Variants in SPATS2 observed in about 807,000 individuals in gnomAD.
SPATS2 encodes the protein spermatogenesis-associated serine-rich protein 2.
Under a neutral mutation model 63.7 loss-of-function variants are expected in SPATS2, and 38 were observed. The observed-to-expected ratio is 0.60, with a 90% CI of 0.46 to 0.78. The LOEUF is 0.78. Ranked by LOEUF, SPATS2 falls within the 30% of genes least tolerant of loss-of-function variation. The pLI is 0.00. For synonymous variants in SPATS2, 207 were observed against 232.9 expected (o/e 0.89, Z 1.01); for missense variants, 588 against 666.2 (o/e 0.88, Z 1.29).
chr12:49,424,375 T>G (rs369138715), intron 2 of SPATS2, among the ~76,000 whole-genome samples: 16 of 152,172 alleles, frequency 1.1e-4, no homozygotes, highest in Admixed American at 5.9e-4. Flanking sequence ...ATGGTGCCCT[T>G]TTGATTAATG....
Position 49,510,096 on chromosome 12 carries a change from A to ATT in SPATS2, c.840-4445_840-4444dup, listed in dbSNP as rs200435044. 7.7e-5 allele frequency among the ~76,000 whole-genome samples: 11 copies of ATT among 143,742 alleles called. No individual in the cohort carries two copies. In the East Asian group the frequency reaches 8.1e-4, roughly 11 times the overall value. 94.3% of individuals were successfully genotyped at this position (143,742 alleles called of 152,430 possible). A position where few individuals can be genotyped will look rare whatever the true frequency, so the allele number is the denominator to read the frequency against. ...ACATAGTGAGACCCCCGCCTCTATA[A>ATT]TTTTTTTTTTTTTTTAAATTAGCCA... On this transcript the variant is annotated intron_variant, in intron 9 of 13. Transcript: ENST00000552918.
chr12:49,416,873 T>C (rs899711424), intron 2 of SPATS2, among the ~76,000 whole-genome samples: 4 of 152,168 alleles, frequency 2.6e-5, no homozygotes, highest in Non-Finnish European at 5.9e-5. Flanking sequence ...GACTCTACCT[T>C]TTGATGGGAG....
At chr12:49,383,724 GT>G (rs1299092249) in intron 2 of SPATS2, among the ~76,000 whole-genome samples, 2 of 152,116 alleles carry the variant, frequency 1.3e-5, no homozygotes, top group African/African-American at 2.4e-5. Flanking sequence ...CCTGCATGGT[GT>G]TTATTGCATA....
chr12:49,505,934 A>G (rs182624702), intron 9 of SPATS2, among the ~76,000 whole-genome samples: 3 of 152,202 alleles, frequency 2.0e-5, no homozygotes, highest in African/African-American at 4.8e-5. Flanking sequence ...TGATGGTTCA[A>G]CTTAATAATT....
At chr12:49,519,970 A>G (rs1457834965) in intron 11 of SPATS2, among the ~76,000 whole-genome samples, 1 of 147,790 alleles carries the variant, frequency 6.8e-6, no homozygotes, top group Non-Finnish European at 1.5e-5. Flanking sequence ...GCCTGCCACC[A>G]CGCCTGGCTA....
chr12:49,370,073 G>A (rs1208088360), intron 1 of SPATS2, among the ~76,000 whole-genome samples: 2 of 152,202 alleles, frequency 1.3e-5, no homozygotes, highest in Non-Finnish European at 2.9e-5. Flanking sequence ...GCTAAGACAG[G>A]AGGGAATTTT....
chr12:49,380,884 T>C (rs571859387), intron 2 of SPATS2, among the ~76,000 whole-genome samples: 1 of 151,024 alleles, frequency 6.6e-6, no homozygotes, highest in South Asian at 2.1e-4. Flanking sequence ...AGTAATTCTT[T>C]TTTTTTTTTT....
chr12:49,367,585 T>C lies in SPATS2; in HGVS notation c.-309T>C. On this transcript the variant is annotated splice_region_variant and 5_prime_UTR_variant, in exon 1 of 14. Coordinates refer to ENST00000552918, the MANE Select transcript of SPATS2 (RefSeq NM_023071.4). Reference sequence around the variant, plus strand: ...ACGAGGCGATTGCGGGGGCCTGGGCTAGGTGAGGCTAAGGGTGCTGGGTGG... The same window carrying C: ...ACGAGGCGATTGCGGGGGCCTGGGCCAGGTGAGGCTAAGGGTGCTGGGTGG... 2 of 396,438 alleles carry C rather than the reference T, an allele frequency of 5.0e-6. 1 individual carries two copies. Among genetic ancestry groups the C allele is most frequent in the Middle Eastern group, 1.3e-3 (2 of 1,588 alleles). 24.6% of individuals were successfully genotyped at this position (396,438 alleles called of 1,614,324 possible). A position where few individuals can be genotyped will look rare whatever the true frequency, so the allele number is the denominator to read the frequency against.
rs1946442283 is a variant in SPATS2, at chr12:49,495,014, A to T, written c.526+12A>T. On this transcript the variant is annotated intron_variant, in intron 7 of 13. Coordinates refer to ENST00000552918, the MANE Select transcript of SPATS2 (RefSeq NM_023071.4). ...GCTGGATAGAACAGGTGAGTTTATT[A>T]ACAGATTTTGAAAAAGTTGCATTCA... 1 of 1,530,334 alleles carries T rather than the reference A, an allele frequency of 6.5e-7. No homozygotes were observed. Among genetic ancestry groups the T allele is most frequent in the Non-Finnish European group, 8.8e-7 (1 of 1,137,652 alleles). The allele number at this position is 1,530,334 out of a possible 1,614,324, so 94.8% of individuals were successfully genotyped here.
Position 49,422,264 on chromosome 12 carries a change from A to G in SPATS2, c.-243-38506A>G, listed in dbSNP as rs556318832. ...GCTCTTTGTTCTTGGGAAACTCGCA[A>G]ACCTCAAGTTCTTCAGTTAAATGAA... is the stretch of plus-strand genomic sequence containing the variant. On this transcript the variant is annotated intron_variant, in intron 2 of 13. Transcript: ENST00000552918. Among the ~76,000 whole-genome samples the G allele has an allele frequency of 2.6e-5, 4 of 152,316 alleles. No individual in the cohort carries two copies. In the East Asian group the frequency reaches 5.8e-4, roughly 22 times the overall value.
intron 3 of SPATS2, among the ~76,000 whole-genome samples, chr12:49,476,821 C>T (rs981862793): frequency 3.9e-5 from 6 of 152,186 alleles, no homozygotes; most frequent in Non-Finnish European, 7.4e-5. Flanking sequence ...GTTCTTGGAA[C>T]TTGGCTGGGC....
intron 2 of SPATS2, among the ~76,000 whole-genome samples, chr12:49,376,521 C>T (rs1380622015): frequency 6.6e-6 from 1 of 151,832 alleles, no homozygotes; most frequent in African/African-American, 2.4e-5. Context: ...CTCAGTCTCC[C>T]TAGTAGCTGG....
At chr12:49,407,917 T>C (rs1031424974) in intron 2 of SPATS2, among the ~76,000 whole-genome samples, 12 of 152,204 alleles carry the variant, frequency 7.9e-5, no homozygotes, top group African/African-American at 2.9e-4. Flanking sequence ...TGACAGACCG[T>C]ATGTCCAGCA....
At chr12:49,506,136 A>C (rs1381202595) in intron 9 of SPATS2, among the ~76,000 whole-genome samples, 1 of 152,196 alleles carries the variant, frequency 6.6e-6, no homozygotes, top group South Asian at 2.1e-4. Flanking sequence ...AAATGTTCTG[A>C]GCATGTTTAA....
intron 12 of SPATS2, among the ~76,000 whole-genome samples, chr12:49,524,006 A>T (rs1946989230): frequency 1.3e-5 from 2 of 152,170 alleles, no homozygotes; most frequent in South Asian, 4.1e-4. Context: ...ACTCATCATT[A>T]ATCCAGCTTA....
rs141221021 is a variant in SPATS2 at position 49,425,944 on chromosome 12, T to C, written c.-243-34826T>C. On this transcript the variant is annotated intron_variant, in intron 2 of 13. Transcript: ENST00000552918. ...CACCATGCCCAGCCAGTATTAATATTTCATGACAATTATGTAATTGTAATT... is the reference window on the plus strand; with the variant it reads ...CACCATGCCCAGCCAGTATTAATATCTCATGACAATTATGTAATTGTAATT... 1.4e-3 allele frequency among the ~76,000 whole-genome samples: 212 copies of C among 152,312 alleles called. 1 individual carries two copies. Among genetic ancestry groups the C allele is most frequent in the African/African-American group, 4.7e-3 (195 of 41,580 alleles).
At chr12:49,368,472 T>G (rs1004383598) in intron 1 of SPATS2, among the ~76,000 whole-genome samples, 19 of 152,224 alleles carry the variant, frequency 1.2e-4, no homozygotes, top group African/African-American at 4.1e-4. Flanking sequence ...AGCTTGGTTG[T>G]TTGTTTTCAG....
chr12:49,500,870 T>C (rs1339846462), intron 9 of SPATS2, among the ~76,000 whole-genome samples: 1 of 152,102 alleles, frequency 6.6e-6, no homozygotes, highest in Non-Finnish European at 1.5e-5. Context: ...GTAGAAAAAA[T>C]CTGTCTTTGC....
intron 2 of SPATS2, among the ~76,000 whole-genome samples, chr12:49,410,318 C>T (rs201810401): frequency 1.4e-4 from 21 of 151,974 alleles, no homozygotes; most frequent in East Asian, 3.9e-4. Flanking sequence ...TCAAGTGATC[C>T]GCCCACCTCG....
Sources: allele counts gnomAD v4.1 joint callset (sites outside exome capture counted in the v4.1 genomes callset), GRCh38; gene constraint gnomAD v4.1.1; transcripts MANE v1.5; gene names NCBI Gene and HGNC (gene_info 2026-07-23, HGNC 2026-07-21).